The following WDR59 variants were observed in gnomAD, a reference collection of about 807,000 sequenced individuals.
WDR59 encodes the protein GATOR2 complex protein WDR59.
A neutral mutation model predicts 131.2 loss-of-function variants in WDR59; 100 were observed. The ratio of observed to expected loss-of-function variants is 0.76; its 90% CI spans 0.65 to 0.90. WDR59 has a LOEUF of 0.90. WDR59 is among the 40% of genes least tolerant of loss of function. WDR59 has a pLI of 0.00. For missense variants in WDR59, 1,203 were observed against 1,262.2 expected (o/e 0.95, Z 0.71); for synonymous variants, 601 against 466.2 (o/e 1.29, Z -3.72).
At chr16:74,930,964 C>T (rs4887795) in intron 8 of WDR59, among the ~76,000 whole-genome samples, 15,183 of 145,892 alleles carry the variant, frequency 0.1, 844 homozygotes, top group Admixed American at 0.15. Context: ...CGGAGCAAGA[C>T]TCCATCTCCA....
rs557841306 is a variant in WDR59, at chr16:74,940,995, C to T, written c.534+1743G>A. ...CTGGGATTACAGGTGTGAGCCACCG[C>T]GCCCAGCCGAAAATGCTGTTATAGT... is the stretch of plus-strand genomic sequence containing the variant. On this transcript the variant is annotated intron_variant, in intron 7 of 25. Transcript: ENST00000262144. Among the ~76,000 whole-genome samples the T allele has an allele frequency of 5.9e-5, 9 of 152,026 alleles. No homozygotes were observed. The South Asian group carries it at 8.3e-4, about 14-fold the overall frequency.
At chr16:74,878,822 A>T (rs1220943130) in intron 25 of WDR59, among the ~76,000 whole-genome samples, 1 of 152,218 alleles carries the variant, frequency 6.6e-6, no homozygotes, top group Non-Finnish European at 1.5e-5. Flanking sequence ...ATCCTTAGGA[A>T]ATGATTCTGC....
At position 74,958,268 on chromosome 16, in the gene WDR59, C is replaced by T. The variant is rs149227999; in HGVS notation, c.105-1658G>A. 9.8e-4 allele frequency among the ~76,000 whole-genome samples: 149 copies of T among 151,980 alleles called. 1 individual carries two copies. Among genetic ancestry groups the T allele is most frequent in the Non-Finnish European group, 1.9e-3 (127 of 67,940 alleles). ...AGAAAATGAGACAGGAAATGAAAAA[C>T]AGGTGGACAAATGGTAATTGATCTA... On this transcript the variant is annotated intron_variant, in intron 2 of 25. Transcript: ENST00000262144.
In WDR59 at chr16:74,958,088, T is replaced by C. The variant is rs376923090; in HGVS notation, c.105-1478A>G. ...GCTATACATGTGAGGTGAGTATCAA[T>C]AGGGGGCTGCAGAGACTTTACAGGG... On this transcript the variant is annotated intron_variant, in intron 2 of 25. Transcript: ENST00000262144. Among the ~76,000 whole-genome samples, 38 of 152,218 alleles carry C rather than the reference T, an allele frequency of 2.5e-4. 3 individuals are homozygous for C. The South Asian group carries it at 3.1e-3, about 12-fold the overall frequency.
intron 25 of WDR59, among the ~76,000 whole-genome samples, chr16:74,885,107 T>C (rs1257053863): frequency 6.6e-6 from 1 of 152,178 alleles, no homozygotes; most frequent in East Asian, 1.9e-4. Context: ...GAAATATCCA[T>C]CCCTCTCATC....
intron 11 of WDR59, among the ~76,000 whole-genome samples, chr16:74,916,585 G>A (rs990129606): frequency 1.3e-5 from 2 of 152,198 alleles, no homozygotes; most frequent in Non-Finnish European, 2.9e-5. Context: ...CCGGCCAGGC[G>A]TAGTGGCTCA....
At chr16:74,889,947 AT>A in intron 20 of WDR59, 132 bp from the exon 21 acceptor site, 2 of 608,016 alleles carry the variant, frequency 3.3e-6, no homozygotes, top group South Asian at 4.5e-5. Context: ...CTGGATCCTT[AT>A]TGAAATGCAT....
intron 20 of WDR59, among the ~76,000 whole-genome samples, chr16:74,890,309 C>G (rs776733274): frequency 1.3e-5 from 2 of 152,124 alleles, no homozygotes; most frequent in Non-Finnish European, 2.9e-5. Context: ...TGCCACCACA[C>G]CTGGCTAATT....
chr16:74,981,613 CATATATATATATATATATATATATAT>C lies in WDR59; in HGVS notation c.54+3325_54+3350del, dbSNP rs1162042042. ...TTTTTAGACAATACATATACATTTA[CATATATATATATATATATATATATAT>C]ATATATATATATATATATATATTTT... On this transcript the variant is annotated intron_variant, in intron 1 of 25. Transcript: ENST00000262144. 2.2e-3 allele frequency among the ~76,000 whole-genome samples: 62 copies of C among 27,784 alleles called. 3 individuals carry two copies. The highest frequency in any genetic ancestry group is 3.1e-3 in the South Asian group (1 of 324). 18.2% of individuals were successfully genotyped at this position (27,784 alleles called of 152,430 possible).
intron 8 of WDR59, among the ~76,000 whole-genome samples, chr16:74,931,630 C>T (rs1306966083): frequency 6.6e-6 from 1 of 152,152 alleles, no homozygotes; most frequent in Non-Finnish European, 1.5e-5. Context: ...AGTCACTGCA[C>T]CCGGCTGAAC....
intron 18 of WDR59, among the ~76,000 whole-genome samples, chr16:74,899,540 G>A (rs1354202797): frequency 6.6e-6 from 1 of 152,198 alleles, no homozygotes; most frequent in African/African-American, 2.4e-5. Context: ...AGCCCTTGGT[G>A]TCTGAACTCC....
At chr16:74,921,075 TA>T (rs573179676) in intron 10 of WDR59, among the ~76,000 whole-genome samples, 3 of 151,980 alleles carry the variant, frequency 2.0e-5, no homozygotes, top group East Asian at 1.9e-4. Flanking sequence ...TATTTCACAG[TA>T]AAAAAAAATT....
intron 7 of WDR59, among the ~76,000 whole-genome samples, chr16:74,941,958 T>C (rs2032266806): frequency 6.6e-6 from 1 of 152,132 alleles, no homozygotes; most frequent in Admixed American, 6.6e-5. Flanking sequence ...TGAGCATCTG[T>C]AGCCCCAGGT....
intron 18 of WDR59, chr16:74,894,022 C>G (rs766663929): frequency 3.7e-5 from 19 of 513,544 alleles, no homozygotes; most frequent in African/African-American, 7.7e-5. Context: ...TACTGCCAGG[C>G]TAGATACATT....
At position 74,886,255 on chromosome 16, in the gene WDR59, T is replaced by A. The variant is rs9936844; in HGVS notation, c.2546+15A>T. Reference sequence around the variant, plus strand: ...GAGTCCTGGCATTGCAGCTCTCACCTGGGAGGGTGGTTACCTTTTATTTTT... The same window carrying A: ...GAGTCCTGGCATTGCAGCTCTCACCAGGGAGGGTGGTTACCTTTTATTTTT... On this transcript the variant is annotated intron_variant, in intron 24 of 25. Transcript: ENST00000262144. 3.1e-3 allele frequency: 5,024 copies of A among 1,601,282 alleles called. 109 individuals are homozygous for A. In the African/African-American group the frequency reaches 0.05, roughly 16 times the overall value.
At chr16:74,889,151 T>C (rs907368157) in intron 21 of WDR59, among the ~76,000 whole-genome samples, 8 of 152,206 alleles carry the variant, frequency 5.3e-5, no homozygotes, top group African/African-American at 1.9e-4. Context: ...AGCGTTTCTC[T>C]CCCCAGGCCC....
intron 1 of WDR59, among the ~76,000 whole-genome samples, chr16:74,976,693 G>A (rs1341909856): frequency 6.6e-6 from 1 of 152,036 alleles, no homozygotes; most frequent in African/African-American, 2.4e-5. Context: ...CGCCCACCTT[G>A]GCCTCCCAAA....
rs1567438245 is a variant in WDR59 at position 74,965,767 on chromosome 16, ACTT to A, written c.104+3_104+5del. On this transcript the variant is annotated splice_donor_5th_base_variant and intron_variant, in intron 2 of 25. Transcript: ENST00000262144. ...CATGGCAGACAAACTCGGCAAGCTT[ACTT>A]ACCCAGAAAGCACTGCATGCTGCCC... 3.1e-6 allele frequency: 5 copies of A among 1,614,116 alleles called. No homozygotes were observed. The highest frequency in any genetic ancestry group is 4.2e-6 in the Non-Finnish European group (5 of 1,179,986).
chr16:74,885,803 A>G lies in WDR59; in HGVS notation c.2547-8T>C. 6.2e-7 allele frequency: 1 copy of G among 1,608,654 alleles called. No individual in the cohort carries two copies. Among genetic ancestry groups the G allele is most frequent in the Non-Finnish European group, 8.5e-7 (1 of 1,178,738 alleles). On this transcript the variant is annotated splice_region_variant and splice_polypyrimidine_tract_variant and intron_variant, in intron 24 of 25. Transcript: ENST00000262144. ...TTGGCGGGGTCCAGGAGCCTGGATA[A>G]AGTTAAAAAGATTTCCTGTCAGTTC... is the stretch of plus-strand genomic sequence containing the variant.
Sources: gnomAD v4.1 joint callset for allele counts (sites outside exome capture counted in the v4.1 genomes callset) on GRCh38, gnomAD v4.1.1 for gene constraint, MANE v1.5 for transcripts, NCBI Gene and HGNC (gene_info 2026-07-23, HGNC 2026-07-21) for gene names.